TNS3: variants seen among roughly 807,000 people sequenced by gnomAD.
The protein encoded by TNS3 is tensin 3, also known as tensin-3.
TNS3 carries 45 observed loss-of-function variants against 140.9 expected under a neutral mutation model. The observed-to-expected ratio is 0.32, with a 90% confidence interval of 0.25 to 0.41. TNS3 has a LOEUF of 0.41. Among genes scored for constraint, TNS3 ranks in the 10% least tolerant of loss-of-function variants. The pLI is 1.00. For synonymous variants in TNS3, 815 were observed against 788.4 expected, an observed-to-expected ratio of 1.03 and a Z score of -0.56; for missense variants, 1,716 against 1,906.7, an observed-to-expected ratio of 0.90 and a Z score of 1.86.
At chr7:47,291,502 T>A (rs1336864660) in intron 27 of TNS3, among the ~76,000 whole-genome samples, 1 of 77,110 alleles carries the variant, frequency 1.3e-5, no homozygotes, top group Non-Finnish European at 2.6e-5. Flanking sequence ...AGAAACTCTA[T>A]GAATAATTTT....
chr7:47,435,236 G>A (rs2151535738), intron 8 of TNS3, 46 bp downstream of exon 8: 1 of 1,609,492 alleles, frequency 6.2e-7, no homozygotes. Context: ...AACTCCAAAG[G>A]CTGAAGCCCA....
chr7:47,424,671 C>G (rs535742302), intron 9 of TNS3, among the ~76,000 whole-genome samples: 3 of 152,308 alleles, frequency 2.0e-5, no homozygotes, highest in Non-Finnish European at 4.4e-5. Flanking sequence ...CAGACACCCC[C>G]ATGAAGTCCC....
At chr7:47,325,644 A>T (rs560069326) in intron 20 of TNS3, among the ~76,000 whole-genome samples, 127 of 152,160 alleles carry the variant, frequency 8.3e-4, no homozygotes, top group Non-Finnish European at 6.9e-4. Context: ...CATTCTGTTT[A>T]CAGTCCCTCC....
At chr7:47,380,781 C>T (rs1485837243) in intron 16 of TNS3, among the ~76,000 whole-genome samples, 1 of 152,086 alleles carries the variant, frequency 6.6e-6, no homozygotes, top group African/African-American at 2.4e-5. Context: ...CACACACACA[C>T]ACACACAAAT....
At chr7:47,444,145 A>G (rs1795605573) in intron 4 of TNS3, among the ~76,000 whole-genome samples, 1 of 152,224 alleles carries the variant, frequency 6.6e-6, no homozygotes, top group Non-Finnish European at 1.5e-5. Flanking sequence ...GGTCCCATTT[A>G]ATTCAAAAAA....
chr7:47,440,587 G>A (rs146854875), intron 5 of TNS3, among the ~76,000 whole-genome samples: 1 of 152,294 alleles, frequency 6.6e-6, no homozygotes, highest in African/African-American at 2.4e-5. Flanking sequence ...AATGTGACTG[G>A]AGACAAGGGC....
intron 2 of TNS3, among the ~76,000 whole-genome samples, chr7:47,510,823 C>T (rs906250876): frequency 4.9e-5 from 7 of 143,188 alleles, no homozygotes; most frequent in Non-Finnish European, 1.0e-4. Flanking sequence ...TGCAGTGAGC[C>T]GAGATCGTGC....
At chr7:47,380,546 C>A (rs1200088240) in intron 16 of TNS3, among the ~76,000 whole-genome samples, 1 of 152,218 alleles carries the variant, frequency 6.6e-6, no homozygotes, top group Non-Finnish European at 1.5e-5. Flanking sequence ...AGCGACATTC[C>A]TTCTTGCCCG....
At position 47,442,848 on chromosome 7, in the gene TNS3, C is replaced by A. The variant is rs943500363; in HGVS notation, c.-75-793G>T. ...CCTCCTGCTCCCCGATCAAAGCAGG[C>A]CCACAGACACCACCATCAGAGGCAT... On this transcript the variant is annotated intron_variant, in intron 4 of 30. Coordinates refer to ENST00000311160, the MANE Select transcript of TNS3 (RefSeq NM_022748.12). Among the ~76,000 whole-genome samples the A allele has an allele frequency of 2.0e-5, 3 of 152,196 alleles. No individual in the cohort carries two copies. The East Asian group carries it at 5.8e-4, about 29-fold the overall frequency.
intron 25 of TNS3, among the ~76,000 whole-genome samples, chr7:47,293,488 G>A (rs1317720811): frequency 2.0e-5 from 3 of 152,200 alleles, no homozygotes; most frequent in Non-Finnish European, 2.9e-5. Context: ...TCTTATTGAC[G>A]TCTGTAATTC....
At chr7:47,358,781 G>A (rs941527386) in intron 17 of TNS3, among the ~76,000 whole-genome samples, 4 of 152,166 alleles carry the variant, frequency 2.6e-5, no homozygotes, top group East Asian at 3.9e-4. Flanking sequence ...TGGATTTGTC[G>A]TAACTGCTCC....
In TNS3 at chr7:47,302,213, A is replaced by G. The variant is rs756234649; in HGVS notation, c.3517T>C (p.Tyr1173His). The G allele has an allele frequency of 2.5e-6, 4 of 1,614,240 alleles. No individual in the cohort carries two copies. In the South Asian group the frequency reaches 3.3e-5, roughly 13 times the overall value. Residue 1173 changes from tyrosine to histidine, a missense_variant, in exon 23 of 31, where the codon TAC becomes CAC. By Grantham distance (83) the Tyr-to-His change is moderately conservative (BLOSUM62 2). Transcript: ENST00000311160. ...TGTTCTCTTGAAATATCCGCCTTGT[A>G]CCAGAACTTGGAAGTGTCTTGAACA... ...KFVQDTSKFW[Y>H]KADISREQAI...
intron 3 of TNS3, among the ~76,000 whole-genome samples, chr7:47,491,922 A>C (rs1468528541): frequency 1.3e-5 from 2 of 152,214 alleles, no homozygotes; most frequent in Non-Finnish European, 2.9e-5. Flanking sequence ...AGGCTCCTGG[A>C]AGGACGGGTC....
Position 47,304,941 on chromosome 7 carries a change from G to A in TNS3, c.2713C>T (p.Pro905Ser). Residue 905 changes from proline (P) to serine (S), a missense_variant, in exon 21 of 31, where the codon CCC becomes TCC. Pro to Ser is a moderately conservative substitution (Grantham distance 74, BLOSUM62 -1). Coordinates refer to ENST00000311160, the MANE Select transcript of TNS3 (RefSeq NM_022748.12). ...AVGMSESPIG[P>S]KSTMLRADAS... ...TCAGCCCGGAGCATCGTGGATTTGG[G>A]TCCGATGGGGCTCTCTGACATCCCC... 1 of 1,428,096 alleles carries A rather than the reference G, an allele frequency of 7.0e-7. No homozygotes were observed. Among genetic ancestry groups the A allele is most frequent in the Non-Finnish European group, 9.3e-7 (1 of 1,076,520 alleles). The allele number at this position is 1,428,096 out of a possible 1,614,324, so 88.5% of individuals were successfully genotyped here.
rs754071204 is a variant in TNS3 at position 47,293,838 on chromosome 7, G to C, written c.3677-10C>G. ...TTGGCCAAATCTCCAGCTGTGGCAA[G>C]AAATTTAAAGAAAGAAGAATTTTTT... On this transcript the variant is annotated splice_polypyrimidine_tract_variant and intron_variant, in intron 24 of 30. Transcript: ENST00000311160. The C allele has an allele frequency of 6.2e-7, 1 of 1,613,918 alleles. No homozygotes were observed. The highest frequency in any genetic ancestry group is 2.2e-5 in the East Asian group (1 of 44,888).
chr7:47,442,124 C>G, intron 4 of TNS3, 69 bp from the exon 5 acceptor site: 1 of 1,030,460 alleles, frequency 9.7e-7, no homozygotes, highest in Admixed American at 3.5e-5. Flanking sequence ...ACAGACACCA[C>G]TGAGAGGGAA....
chr7:47,311,298 T>C (rs899522449), intron 20 of TNS3, among the ~76,000 whole-genome samples: 3 of 152,154 alleles, frequency 2.0e-5, no homozygotes, highest in African/African-American at 7.2e-5. Flanking sequence ...GAGAAATACC[T>C]AATGTAAATG....
rs372412724 is a variant in TNS3, at chr7:47,576,125, CCT to C, written c.-265+5924_-265+5925del. On this transcript the variant is annotated intron_variant, in intron 1 of 30. Coordinates refer to ENST00000311160, the MANE Select transcript of TNS3 (RefSeq NM_022748.12). Reference sequence around the variant, plus strand: ...ACTCATCTCTATCACGCTGGCCTCCCCTGTGTCAACCACTTAGCACACAGCTC... The same window carrying C: ...ACTCATCTCTATCACGCTGGCCTCCCGTGTCAACCACTTAGCACACAGCTC... 6.9e-3 allele frequency among the ~76,000 whole-genome samples: 1,054 copies of C among 152,242 alleles called. 11 individuals are homozygous for C. The highest frequency in any genetic ancestry group is 0.025 in the African/African-American group (1,019 of 41,530).
chr7:47,454,033 T>C (rs541990857), intron 4 of TNS3, among the ~76,000 whole-genome samples: 1 of 152,362 alleles, frequency 6.6e-6, no homozygotes, highest in African/African-American at 2.4e-5. Flanking sequence ...ACTTATTTCA[T>C]AACGAAAACA....
Sources: allele counts gnomAD v4.1 joint callset (sites outside exome capture counted in the v4.1 genomes callset), GRCh38; gene constraint gnomAD v4.1.1; transcripts MANE v1.5; gene names NCBI Gene and HGNC (gene_info 2026-07-23, HGNC 2026-07-21).